The following NUMA1 variants were observed in gnomAD, a reference collection of about 807,000 sequenced individuals.
NUMA1 encodes SP-H antigen.
A neutral mutation model predicts 237.1 loss-of-function variants in NUMA1; 62 were observed. The ratio of observed to expected loss-of-function variants is 0.26; its 90% confidence interval spans 0.21 to 0.32. The LOEUF (loss-of-function observed/expected upper bound fraction) is 0.32, where lower values mean the gene tolerates loss of function less well. NUMA1 is among the 10% of genes least tolerant of loss of function. The pLI is 1.00. For missense variants in NUMA1, 2,533 were observed against 2,666.5 expected, an observed-to-expected ratio of 0.95 and a Z score of 1.10; for synonymous variants, 1,028 against 1,066.1, an observed-to-expected ratio of 0.96 and a Z score of 0.70.
intron 16 of NUMA1, among the ~76,000 whole-genome samples, chr11:72,012,045 G>C (rs1056233399): frequency 2.0e-5 from 3 of 152,208 alleles, no homozygotes; most frequent in Non-Finnish European, 4.4e-5. Flanking sequence ...GTTCCTCTTA[G>C]TCGGGTATCC....
chr11:72,048,425 A>T (rs1031836597), intron 2 of NUMA1, among the ~76,000 whole-genome samples: 1 of 151,328 alleles, frequency 6.6e-6, no homozygotes, highest in Admixed American at 6.6e-5. Context: ...AGGCTGGAGT[A>T]CAATGGCACG....
At chr11:72,007,043 G>T in intron 21 of NUMA1, 146 bp downstream of exon 21, 1 of 925,176 alleles carries the variant, frequency 1.1e-6, no homozygotes, top group Non-Finnish European at 1.6e-6. Flanking sequence ...CCAAGTCACT[G>T]CCCTTTTTAA....
chr11:72,061,241 A>C (rs560676055), intron 2 of NUMA1, among the ~76,000 whole-genome samples: 11 of 152,272 alleles, frequency 7.2e-5, no homozygotes, highest in African/African-American at 2.6e-4. Context: ...CCTGTCTCAA[A>C]ACAAAAAAAG....
At chr11:72,007,502 G>A (rs1375483941) in intron 20 of NUMA1, 67 bp from the exon 21 acceptor site, 14 of 1,572,152 alleles carry the variant, frequency 8.9e-6, no homozygotes, top group Non-Finnish European at 1.2e-5. Flanking sequence ...AGCCCTTTTT[G>A]AAAGTGACCA....
chr11:72,060,119 C>G (rs1942862903), intron 2 of NUMA1, among the ~76,000 whole-genome samples: 1 of 152,158 alleles, frequency 6.6e-6, no homozygotes, highest in Non-Finnish European at 1.5e-5. Flanking sequence ...CCCATCAAAA[C>G]TAGGCCTCTT....
Position 72,006,058 on chromosome 11 carries a change from C to T in NUMA1, c.5669G>A (p.Gly1890Glu). Residue 1890 changes from glycine to glutamate, a missense_variant, in exon 22 of 27, where the codon GGG (glycine) becomes GAG (glutamate). Physicochemically the swap from Gly to Glu is moderately conservative, Grantham distance 98. Around this residue, in one of 3 missense-constraint regions of NUMA1, gnomAD observed 795 missense variants for 750.8 expected, o/e 1.06. Coordinates refer to ENST00000393695, the MANE Select transcript of NUMA1 (RefSeq NM_006185.4). ...ACCTGGAGGGGCCCCACTGGACACC[C>T]CGGCCTGGGAACGACGAGCAGAACT... ...TRSSARRSQA[G>E]VSSGAPPGRN... 6.2e-7 allele frequency: 1 copy of T among 1,613,234 alleles called. No individual in the cohort carries two copies. The highest frequency in any genetic ancestry group is 8.5e-7 in the Non-Finnish European group (1 of 1,179,356).
rs558380493 is a variant in NUMA1, at chr11:72,025,245, G to A, written c.129-892C>T. Among the ~76,000 whole-genome samples, 7 of 152,238 alleles carry A rather than the reference G, an allele frequency of 4.6e-5. No homozygotes were observed. In the South Asian group the frequency reaches 8.3e-4, roughly 18 times the overall value. On this transcript the variant is annotated intron_variant, in intron 4 of 26. Coordinates refer to ENST00000393695, the MANE Select transcript of NUMA1 (RefSeq NM_006185.4). ...TCTGTACTTGCTTAACTGGAAGAGCGGGCAGTGTGAAGAGAGCCATGAGGA... is the reference window on the plus strand; with the variant it reads ...TCTGTACTTGCTTAACTGGAAGAGCAGGCAGTGTGAAGAGAGCCATGAGGA...
rs1223099915 is a variant in NUMA1, at chr11:72,014,370, A to G, written c.3133T>C (p.Phe1045Leu). The change falls in exon 15 of 27, where the codon TTC becomes CTC. Residue 1045 changes from phenylalanine (F) to leucine (L), a missense_variant. Phe to Leu is a conservative substitution (Grantham distance 22, BLOSUM62 0). This residue lies in a region of NUMA1 where 1,414 missense variants were observed against 1,508.1 expected (regional missense o/e 0.94). Coordinates refer to ENST00000393695, the MANE Select transcript of NUMA1 (RefSeq NM_006185.4). This position sits in a 1 kb window ranked among gnomAD's most constrained non-coding sequence, Gnocchi z 4.6. ...QNALNEQRVEFATLQEALAHA... is the reference protein window; with the variant it reads ...QNALNEQRVELATLQEALAHA... ...GCCAGTGCCTCTTGCAGGGTAGCGAACTCCACACGCTGCTCGTTGAGGGCG... is the reference window on the plus strand; with the variant it reads ...GCCAGTGCCTCTTGCAGGGTAGCGAGCTCCACACGCTGCTCGTTGAGGGCG... 2 of 1,612,668 alleles carry G rather than the reference A, an allele frequency of 1.2e-6. No homozygotes were observed. The highest frequency in any genetic ancestry group is 1.7e-6 in the Non-Finnish European group (2 of 1,179,950).
chr11:72,016,886 C>A (rs989373721), intron 13 of NUMA1: 9 of 208,878 alleles, frequency 4.3e-5, no homozygotes, highest in Admixed American at 1.6e-4. Context: ...ATACCACTGG[C>A]AGCAGCTGCA....
intron 2 of NUMA1, among the ~76,000 whole-genome samples, chr11:72,045,775 C>T (rs1184620951): frequency 6.6e-6 from 1 of 152,206 alleles, no homozygotes; most frequent in Admixed American, 6.5e-5. Flanking sequence ...CCATCACAGG[C>T]CTGGCCAAAC....
At chr11:72,046,527 A>C (rs1037820212) in intron 2 of NUMA1, among the ~76,000 whole-genome samples, 2 of 149,130 alleles carry the variant, frequency 1.3e-5, no homozygotes, top group East Asian at 4.1e-4. Flanking sequence ...CTGGGTAACA[A>C]GGGTGAAACT....
intron 4 of NUMA1, chr11:72,024,600 C>T (rs1296548047): frequency 2.0e-6 from 1 of 506,794 alleles, no homozygotes; most frequent in Non-Finnish European, 3.6e-6. Flanking sequence ...CTCTGCCACC[C>T]TATTTGCAAA....
At chr11:72,021,659 G>T (rs1265132274) in intron 7 of NUMA1, among the ~76,000 whole-genome samples, 1 of 152,222 alleles carries the variant, frequency 6.6e-6, no homozygotes, top group African/African-American at 2.4e-5. Context: ...CCAGGCTGGA[G>T]TACAGTGGCA....
intron 4 of NUMA1, among the ~76,000 whole-genome samples, chr11:72,025,732 TGA>T (rs1419084060): frequency 1.3e-5 from 2 of 152,194 alleles, no homozygotes; most frequent in African/African-American, 4.8e-5. Context: ...GCCAAGACTA[TGA>T]GTGTACCTCC....
intron 2 of NUMA1, among the ~76,000 whole-genome samples, chr11:72,037,603 G>A (rs1487802087): frequency 6.6e-6 from 1 of 152,232 alleles, no homozygotes; most frequent in East Asian, 1.9e-4. Flanking sequence ...GCTTATAGCA[G>A]GGTAGGGAGT....
rs774978513 is a variant in NUMA1, at chr11:72,018,380, G to T, written c.860+16C>A. ...GAGGGGCTGGGGCCTGGGAAGGAAT[G>T]CAGGGAGAGCTGTACCTCTCATTCT... On this transcript the variant is annotated intron_variant, in intron 11 of 26. Transcript: ENST00000393695. 6.2e-7 allele frequency: 1 copy of T among 1,606,816 alleles called. No homozygotes were observed. Among genetic ancestry groups the T allele is most frequent in the Non-Finnish European group, 8.5e-7 (1 of 1,173,356 alleles).
At chr11:72,017,866 AACG>A in intron 12 of NUMA1, 39 bp from the exon 13 acceptor site, 2 of 13,444 alleles carry the variant, frequency 1.5e-4, no homozygotes, top group Non-Finnish European at 5.6e-4. Flanking sequence ...ACCCAGAGTC[AACG>A]CTGACCCCAC....
Position 72,014,153 on chromosome 11 carries a change from G to A in NUMA1, c.3350C>T (p.Pro1117Leu), listed in dbSNP as rs151051226. ...CAGTGCCTCCAGCTTGGGGCCTGTT[G>A]GCTCTGTCCTGCCAGCAGCCTCAGA... Reference protein sequence around the residue: ...AQSEAAGRTEPTGPKLEALRA... With the variant: ...AQSEAAGRTELTGPKLEALRA... Residue 1117 changes from proline (P) to leucine (L), a missense_variant, in exon 15 of 27, where the codon CCA becomes CTA. By Grantham distance (98) the Pro-to-Leu change is moderately conservative. Around this residue, in one of 3 missense-constraint regions of NUMA1, gnomAD observed 1,414 missense variants for 1,508.1 expected, o/e 0.94. Coordinates refer to ENST00000393695, the MANE Select transcript of NUMA1 (RefSeq NM_006185.4). The surrounding 1 kb of genome is among the most constrained non-coding windows in gnomAD (Gnocchi z 4.6). The A allele has an allele frequency of 8.4e-5, 135 of 1,613,302 alleles. 1 individual carries two copies. The Middle Eastern group carries it at 2.6e-3, about 32-fold the overall frequency.
rs1955780495 is a variant in NUMA1 at position 72,007,171 on chromosome 11, C to T, written c.5463+18G>A. On this transcript the variant is annotated intron_variant, in intron 21 of 26. Coordinates refer to ENST00000393695, the MANE Select transcript of NUMA1 (RefSeq NM_006185.4). ...AGTGGGAATTGCTGCCCTGCAGCCC[C>T]TGTCCCAGCAGCCTGACCTTGGTCA... is the stretch of plus-strand genomic sequence containing the variant. The T allele has an allele frequency of 6.2e-7, 1 of 1,604,068 alleles. No homozygotes were observed. The highest frequency in any genetic ancestry group is 8.5e-7 in the Non-Finnish European group (1 of 1,179,716).
Sources: allele counts gnomAD v4.1 joint callset (sites outside exome capture counted in the v4.1 genomes callset), GRCh38; gene constraint gnomAD v4.1.1; regional missense constraint gnomAD v4.1.1; non-coding constraint Gnocchi (gnomAD v3.1); transcripts MANE v1.5; gene names NCBI Gene and HGNC (gene_info 2026-07-23, HGNC 2026-07-21).